Variants in BBS9 observed in about 807,000 individuals in gnomAD.
BBS9 encodes protein PTHB1.
A neutral mutation model predicts 117.7 loss-of-function variants in BBS9; 89 were observed. The ratio of observed to expected loss-of-function variants is 0.76; its 90% CI spans 0.64 to 0.90. The LOEUF (loss-of-function observed/expected upper bound fraction) is 0.90, where lower values mean the gene tolerates loss of function less well. Ranked by LOEUF, BBS9 falls within the 40% of genes least tolerant of loss-of-function variation. The probability of loss-of-function intolerance (pLI) is 0.00; values close to 1 mark genes in which losing one functional copy is unlikely to be tolerated. For synonymous variants in BBS9, 379 were observed against 370.9 expected (o/e 1.02, Z -0.25); for missense variants, 982 against 1,042.2 (o/e 0.94, Z 0.80).
chr7:33,534,111 T>C lies in BBS9; in HGVS notation c.2456T>C (p.Leu819Ser). Reference protein sequence around the residue: ...KKHITLLCDRLSKGGRLCLST... With the variant: ...KKHITLLCDRSSKGGRLCLST... ...CATATCACCTTGCTCTGCGATAGAT[T>C]ATCCAAAGGTGGCCGTCTCTGCCTA... is the stretch of plus-strand genomic sequence containing the variant. Residue 819 changes from leucine (L) to serine (S), a missense_variant, in exon 21 of 23, where the codon TTA (leucine) becomes TCA (serine). Transcript: ENST00000242067. 1 of 1,614,184 alleles carries C rather than the reference T, an allele frequency of 6.2e-7. No homozygotes were observed.
chr7:33,513,848 T>C (rs1847328477), intron 20 of BBS9, among the ~76,000 whole-genome samples: 1 of 152,244 alleles, frequency 6.6e-6, no homozygotes, highest in Admixed American at 6.5e-5. Context: ...CCAAATTTGT[T>C]AATATATAGT....
intron 5 of BBS9, among the ~76,000 whole-genome samples, chr7:33,181,268 T>C (rs1401568943): frequency 6.6e-6 from 1 of 152,194 alleles, no homozygotes; most frequent in Non-Finnish European, 1.5e-5. Context: ...ACACTTCTAA[T>C]ATGAGAAATT....
At chr7:33,189,670 G>A (rs1486408027) in intron 5 of BBS9, among the ~76,000 whole-genome samples, 1 of 151,596 alleles carries the variant, frequency 6.6e-6, no homozygotes, top group East Asian at 2.0e-4. Context: ...GGCGGATCAC[G>A]AGGTCAGGAG....
chr7:33,436,002 C>T (rs6462478), intron 19 of BBS9, among the ~76,000 whole-genome samples: 51,080 of 151,964 alleles, frequency 0.34, 9,657 homozygotes, highest in African/African-American at 0.51. Flanking sequence ...TGACCTTTAG[C>T]AGCCTTCCCC....
chr7:33,264,426 CAT>C, intron 7 of BBS9, 52 bp downstream of exon 7: 1 of 1,035,678 alleles, frequency 9.7e-7, no homozygotes, highest in Admixed American at 2.1e-5. Flanking sequence ...TATCTAATCA[CAT>C]ATGTTTGTCA....
rs569979057 is a variant in BBS9, at chr7:33,314,911, GAA to G, written c.1017-21529_1017-21528del. 5.1e-3 allele frequency among the ~76,000 whole-genome samples: 773 copies of G among 152,306 alleles called. 10 individuals carry two copies. Among genetic ancestry groups the G allele is most frequent in the African/African-American group, 0.018 (731 of 41,578 alleles). ...ATAGTAAGACTGGCTTTGGGAGAGAGAATTTTTAAAAGAGGAGTGGGTATTTG... is the reference window on the plus strand; with the variant it reads ...ATAGTAAGACTGGCTTTGGGAGAGAGTTTTTAAAAGAGGAGTGGGTATTTG... On this transcript the variant is annotated intron_variant, in intron 9 of 22. Transcript: ENST00000242067.
chr7:33,358,138 C>T, intron 16 of BBS9, 143 bp downstream of exon 16: 1 of 1,058,056 alleles, frequency 9.5e-7, no homozygotes, highest in South Asian at 1.4e-5. Flanking sequence ...TTTTTCCCTC[C>T]TTTGCCTGTT....
chr7:33,316,652 G>A (rs1183537208), intron 9 of BBS9, among the ~76,000 whole-genome samples: 1 of 152,140 alleles, frequency 6.6e-6, no homozygotes, highest in African/African-American at 2.4e-5. Flanking sequence ...CTAATGATGA[G>A]CATTTTTTTC....
chr7:33,400,753 C>CA (rs1049887743), intron 19 of BBS9, among the ~76,000 whole-genome samples: 3 of 152,086 alleles, frequency 2.0e-5, no homozygotes, highest in African/African-American at 7.2e-5. Context: ...TAATAGTGCT[C>CA]AGAGTGTTGC....
At chr7:33,212,815 C>T (rs1274109473) in intron 5 of BBS9, among the ~76,000 whole-genome samples, 1 of 152,108 alleles carries the variant, frequency 6.6e-6, no homozygotes, top group Non-Finnish European at 1.5e-5. Context: ...CTCTGGAATA[C>T]GAGGCAGAGA....
At chr7:33,578,508 G>T (rs1365775599) in intron 21 of BBS9, among the ~76,000 whole-genome samples, 1 of 152,130 alleles carries the variant, frequency 6.6e-6, no homozygotes, top group Non-Finnish European at 1.5e-5. Flanking sequence ...GACTACTTTT[G>T]CACTGCTCTA....
intron 9 of BBS9, among the ~76,000 whole-genome samples, chr7:33,331,456 A>G (rs930462336): frequency 6.6e-6 from 1 of 152,182 alleles, no homozygotes; most frequent in African/African-American, 2.4e-5. Flanking sequence ...TCCAAATTAG[A>G]AAAGAGGAAG....
At chr7:33,465,719 T>C (rs1840068350) in intron 19 of BBS9, among the ~76,000 whole-genome samples, 1 of 152,164 alleles carries the variant, frequency 6.6e-6, no homozygotes, top group Admixed American at 6.6e-5. Flanking sequence ...AAGGTTATTG[T>C]ATGGATTGAG....
intron 19 of BBS9, among the ~76,000 whole-genome samples, chr7:33,396,384 A>G (rs1305130655): frequency 6.6e-6 from 1 of 152,198 alleles, no homozygotes; most frequent in Non-Finnish European, 1.5e-5. Flanking sequence ...AACTGAAAAA[A>G]GCAGATTATG....
At chr7:33,248,576 G>C (rs1353975966) in intron 5 of BBS9, among the ~76,000 whole-genome samples, 1 of 152,130 alleles carries the variant, frequency 6.6e-6, no homozygotes, top group African/African-American at 2.4e-5. Context: ...GCAACCTCTA[G>C]ATATCCATCT....
In BBS9 at chr7:33,341,742, A is replaced by G. The variant is rs530306696; in HGVS notation, c.1275+769A>G. Among the ~76,000 whole-genome samples, 8 of 152,220 alleles carry G rather than the reference A, an allele frequency of 5.3e-5. No individual in the cohort carries two copies. The East Asian group carries it at 1.5e-3, about 29-fold the overall frequency. ...GTGCTTGCCAAATAATGGGTGCTCA[A>G]TATATATTTGCTCTATGAATAAGTG... On this transcript the variant is annotated intron_variant, in intron 11 of 22. Transcript: ENST00000242067.
At chr7:33,228,766 T>C (rs1162284690) in intron 5 of BBS9, among the ~76,000 whole-genome samples, 2 of 152,106 alleles carry the variant, frequency 1.3e-5, no homozygotes, top group East Asian at 3.9e-4. Context: ...ATTATACAGG[T>C]CTTCATCTTT....
chr7:33,136,076 A>AG (rs1276502955), intron 1 of BBS9, among the ~76,000 whole-genome samples: 1 of 152,170 alleles, frequency 6.6e-6, no homozygotes, highest in Non-Finnish European at 1.5e-5. Context: ...GGTGCGCACC[A>AG]GCATACCTGG....
chr7:33,331,832 G>A (rs937915598), intron 9 of BBS9, among the ~76,000 whole-genome samples: 1 of 152,094 alleles, frequency 6.6e-6, no homozygotes, highest in Non-Finnish European at 1.5e-5. Context: ...CAAATCCCAA[G>A]CTCAAGGATG....
Sources: allele counts gnomAD v4.1 joint callset (sites outside exome capture counted in the v4.1 genomes callset), GRCh38; gene constraint gnomAD v4.1.1; transcripts MANE v1.5; gene names NCBI Gene and HGNC (gene_info 2026-07-23, HGNC 2026-07-21).